Variants in CAMTA1 observed in about 807,000 individuals in gnomAD.
CAMTA1 encodes the protein calmodulin binding transcription activator 1.
Under a neutral mutation model 170.9 loss-of-function variants are expected in CAMTA1, and 27 were observed. That is an observed-to-expected ratio of 0.16 (90% CI 0.12 to 0.22). CAMTA1 has a LOEUF of 0.22. Ranked by LOEUF, CAMTA1 falls within the 10% of genes least tolerant of loss-of-function variation. The probability of loss-of-function intolerance (pLI) is 1.00; values close to 1 mark genes in which losing one functional copy is unlikely to be tolerated. For synonymous variants in CAMTA1, 833 were observed against 891.5 expected, an observed-to-expected ratio of 0.93 and a Z score of 1.17; for missense variants, 1,619 against 2,217.2, an observed-to-expected ratio of 0.73 and a Z score of 5.42.
intron 6 of CAMTA1, among the ~76,000 whole-genome samples, chr1:7,529,850 C>T (rs1012784672): frequency 3.9e-5 from 6 of 152,194 alleles, no homozygotes; most frequent in African/African-American, 1.2e-4. Flanking sequence ...GCGACCATGA[C>T]CAGGATAAAG....
At position 7,146,770 on chromosome 1, in the gene CAMTA1, T is replaced by A. The variant is rs1295572278; in HGVS notation, c.302+55399T>A. ...ACATAAACCATGCACACACACACACTTGAGCATCATGCACACATATATACC... is the reference window on the plus strand; with the variant it reads ...ACATAAACCATGCACACACACACACATGAGCATCATGCACACATATATACC... On this transcript the variant is annotated intron_variant, in intron 4 of 22. Transcript: ENST00000303635. This position sits in a 1 kb window ranked among gnomAD's most constrained non-coding sequence, Gnocchi z 4.3. Among the ~76,000 whole-genome samples, 1 of 147,874 alleles carries A rather than the reference T, an allele frequency of 6.8e-6. No individual in the cohort carries two copies. Among genetic ancestry groups the A allele is most frequent in the Non-Finnish European group, 1.5e-5 (1 of 66,846 alleles).
rs2149547777 is a variant in CAMTA1, at chr1:7,300,510, C to T, written c.438+50884C>T. On this transcript the variant is annotated intron_variant, in intron 5 of 22. Transcript: ENST00000303635. The surrounding 1 kb of genome is among the most constrained non-coding windows in gnomAD (Gnocchi z 4.1). Reference sequence around the variant, plus strand: ...TGGCCAACATGGTGAAACCCCGTCTCTACTAAAAATACAAAAATTAGTCAG... The same window carrying T: ...TGGCCAACATGGTGAAACCCCGTCTTTACTAAAAATACAAAAATTAGTCAG... Among the ~76,000 whole-genome samples the T allele has an allele frequency of 6.6e-6, 1 of 152,286 alleles. No individual in the cohort carries two copies. The highest frequency in any genetic ancestry group is 1.5e-5 in the Non-Finnish European group (1 of 68,012).
chr1:7,517,023 T>C lies in CAMTA1; in HGVS notation c.510+49122T>C, dbSNP rs912227481. Among the ~76,000 whole-genome samples the C allele has an allele frequency of 2.6e-5, 4 of 152,352 alleles. No individual in the cohort carries two copies. The East Asian group carries it at 5.8e-4, about 22-fold the overall frequency. ...TAGTAACTCTTCAGATTTTAGTGTCTGAACTTCTGAGCTCTTTCTGGGCAG... is the reference window on the plus strand; with the variant it reads ...TAGTAACTCTTCAGATTTTAGTGTCCGAACTTCTGAGCTCTTTCTGGGCAG... On this transcript the variant is annotated intron_variant, in intron 6 of 22. Transcript: ENST00000303635.
intron 5 of CAMTA1, among the ~76,000 whole-genome samples, chr1:7,420,380 T>A (rs895378662): frequency 2.0e-5 from 3 of 152,138 alleles, no homozygotes; most frequent in Admixed American, 2.0e-4. Context: ...CAGTGCTGTG[T>A]TTACTCATTT....
chr1:7,585,156 T>G lies in CAMTA1; in HGVS notation c.511-55244T>G, dbSNP rs74055157. Among the ~76,000 whole-genome samples, 4,689 of 152,174 alleles carry G rather than the reference T, an allele frequency of 0.031. 281 individuals carry two copies. The highest frequency in any genetic ancestry group is 0.11 in the African/African-American group (4,513 of 41,512). On this transcript the variant is annotated intron_variant, in intron 6 of 22. Coordinates refer to ENST00000303635, the MANE Select transcript of CAMTA1 (RefSeq NM_015215.4). This position sits in a 1 kb window ranked among gnomAD's most constrained non-coding sequence, Gnocchi z 4.8. ...AGGTCACGTTTTGCCACCAAATGAG[T>G]TATGAACAAGCTGTGGCTTTTAGAG...
At chr1:7,524,102 T>A (rs1161379710) in intron 6 of CAMTA1, among the ~76,000 whole-genome samples, 2 of 151,516 alleles carry the variant, frequency 1.3e-5, no homozygotes, top group Non-Finnish European at 2.9e-5. Flanking sequence ...CTTGGGAGGC[T>A]GAGGCAGAAG....
chr1:7,132,541 T>C (rs1421899197), intron 4 of CAMTA1, among the ~76,000 whole-genome samples: 2 of 152,168 alleles, frequency 1.3e-5, no homozygotes, highest in African/African-American at 4.8e-5. Flanking sequence ...GAAGTGAAAA[T>C]AGAACAAAGA....
At chr1:7,746,625 C>T (rs888049692) in intron 18 of CAMTA1, among the ~76,000 whole-genome samples, 1 of 152,088 alleles carries the variant, frequency 6.6e-6, no homozygotes, top group Non-Finnish European at 1.5e-5. Flanking sequence ...CGGCACAGAA[C>T]AATGCTGATT....
chr1:7,724,374 CTGAG>C (rs1437406818), intron 11 of CAMTA1, among the ~76,000 whole-genome samples: 1 of 152,164 alleles, frequency 6.6e-6, no homozygotes, highest in African/African-American at 2.4e-5. Context: ...TTAGAGGAAA[CTGAG>C]TGAGGGGCAT....
At chr1:6,823,432 T>C (rs78474127) in intron 2 of CAMTA1, among the ~76,000 whole-genome samples, 2,226 of 152,306 alleles carry the variant, frequency 0.015, 50 homozygotes, top group African/African-American at 0.051. Context: ...AAATTAAAAT[T>C]TGAAATTCTT....
intron 5 of CAMTA1, among the ~76,000 whole-genome samples, chr1:7,444,675 A>T (rs887119977): frequency 1.3e-5 from 2 of 152,242 alleles, no homozygotes; most frequent in Non-Finnish European, 2.9e-5. Flanking sequence ...TTCTGCCTGG[A>T]GGAATTAGAG....
At chr1:6,891,717 A>G (rs1380706387) in intron 3 of CAMTA1, among the ~76,000 whole-genome samples, 4 of 152,246 alleles carry the variant, frequency 2.6e-5, no homozygotes, top group Non-Finnish European at 5.9e-5. Context: ...AAAGAAGCTT[A>G]TTGGACTTCC....
At chr1:6,940,059 G>A (rs1373505479) in intron 3 of CAMTA1, among the ~76,000 whole-genome samples, 2 of 152,288 alleles carry the variant, frequency 1.3e-5, no homozygotes, top group East Asian at 3.8e-4. Flanking sequence ...GAAGTGTGTT[G>A]AGTTGAGTCC....
intron 5 of CAMTA1, among the ~76,000 whole-genome samples, chr1:7,467,248 A>G (rs6663735): frequency 0.15 from 23,290 of 152,106 alleles, 1,866 homozygotes; most frequent in South Asian, 0.2. Flanking sequence ...CTTAACAAAT[A>G]TATGAATAAA....
intron 5 of CAMTA1, among the ~76,000 whole-genome samples, chr1:7,323,929 G>A (rs915814280): frequency 2.6e-5 from 4 of 152,160 alleles, no homozygotes; most frequent in Non-Finnish European, 5.9e-5. Flanking sequence ...CTTGATTTAT[G>A]GTCCAAAATG....
intron 3 of CAMTA1, among the ~76,000 whole-genome samples, chr1:6,875,441 C>T (rs764708899): frequency 6.6e-6 from 1 of 152,114 alleles, no homozygotes; most frequent in Non-Finnish European, 1.5e-5. Flanking sequence ...CGCGACCACA[C>T]CTAGCTAATT....
intron 5 of CAMTA1, chr1:7,382,497 T>G (rs1489642002): frequency 2.6e-5 from 4 of 152,184 alleles, no homozygotes; most frequent in Admixed American, 2.6e-4. Context: ...CCCTGGTTCT[T>G]CCATCTGAGG....
At chr1:6,895,739 T>A (rs1223843236) in intron 3 of CAMTA1, among the ~76,000 whole-genome samples, 4 of 152,218 alleles carry the variant, frequency 2.6e-5, no homozygotes, top group Non-Finnish European at 5.9e-5. Flanking sequence ...CTGGCTCCTT[T>A]GTGTCATTCA....
rs1374194505 is a variant in CAMTA1 at position 7,063,035 on chromosome 1, A to T, written c.235-28269A>T. Among the ~76,000 whole-genome samples the T allele has an allele frequency of 1.3e-5, 2 of 152,196 alleles. No individual in the cohort carries two copies. Among genetic ancestry groups the T allele is most frequent in the Non-Finnish European group, 2.9e-5 (2 of 68,034 alleles). On this transcript the variant is annotated intron_variant, in intron 3 of 22. Coordinates refer to ENST00000303635, the MANE Select transcript of CAMTA1 (RefSeq NM_015215.4). The surrounding 1 kb of genome is among the most constrained non-coding windows in gnomAD (Gnocchi z 4.3). ...CAAATAAGGGCACATGCGTGGGTAC[A>T]GGGGTTAGGACTTCAACATATCTTT...
Sources: allele counts gnomAD v4.1 joint callset (sites outside exome capture counted in the v4.1 genomes callset), GRCh38; gene constraint gnomAD v4.1.1; non-coding constraint Gnocchi (gnomAD v3.1); transcripts MANE v1.5; gene names NCBI Gene and HGNC (gene_info 2026-07-23, HGNC 2026-07-21).